Variants in KATNB1 observed in about 807,000 individuals in gnomAD.
KATNB1 encodes the protein katanin regulatory subunit B1.
In KATNB1, 38 loss-of-function variants were observed where a neutral mutation model predicts 82.3. That is an observed-to-expected ratio of 0.46 (90% CI 0.36 to 0.61). KATNB1 has a LOEUF of 0.61. KATNB1 is among the 20% of genes least tolerant of loss of function. The pLI, the probability that KATNB1 is intolerant of heterozygous loss-of-function variation, is 0.00. For synonymous variants in KATNB1, 361 were observed against 368.7 expected, an observed-to-expected ratio of 0.98 and a Z score of 0.24; for missense variants, 749 against 915.7, an observed-to-expected ratio of 0.82 and a Z score of 2.35.
chr16:57,752,107 T>G (rs2049233555), intron 8 of KATNB1, 52 bp downstream of exon 8: 1 of 1,149,546 alleles, frequency 8.7e-7, no homozygotes, highest in African/African-American at 1.5e-5. Flanking sequence ...CTTCACCGCC[T>G]TGTCCTCTGT....
chr16:57,740,953 G>T (rs942770474), intron 2 of KATNB1, among the ~76,000 whole-genome samples: 5 of 152,248 alleles, frequency 3.3e-5, no homozygotes, highest in African/African-American at 4.8e-5. Context: ...ACGTAGGCGC[G>T]CTCTGAGGGA....
At chr16:57,740,285 C>G (rs1007063884) in intron 2 of KATNB1, among the ~76,000 whole-genome samples, 1 of 152,210 alleles carries the variant, frequency 6.6e-6, no homozygotes, top group African/African-American at 2.4e-5. Context: ...GGCTCTGCCC[C>G]GACCGGCCCA....
chr16:57,741,864 G>A (rs782340713), intron 3 of KATNB1, 47 bp downstream of exon 3: 2 of 1,581,340 alleles, frequency 1.3e-6, no homozygotes, highest in South Asian at 1.1e-5. Flanking sequence ...GCCTGGGGAG[G>A]GGACGGGGAC....
At position 57,741,809 on chromosome 16, in the gene KATNB1, T is replaced by A. The variant is rs1243760930; in HGVS notation, c.163T>A (p.Cys55Ser). Residue 55 changes from cysteine (C) to serine (S), a missense_variant, in exon 3 of 20, where the codon TGC becomes AGC. By Grantham distance (112) the Cys-to-Ser change is moderately radical. Coordinates refer to ENST00000379661, the MANE Select transcript of KATNB1 (RefSeq NM_005886.3). ...CCTGTGGTCCATCAACAAGCCCAACTGCATCATGGTGAGCCCCGACAGCTG... is the reference window on the plus strand; with the variant it reads ...CCTGTGGTCCATCAACAAGCCCAACAGCATCATGGTGAGCCCCGACAGCTG... ...VNLWSINKPN[C>S]IMSLTGHTSP... 6.2e-7 allele frequency: 1 copy of A among 1,613,078 alleles called. No individual in the cohort carries two copies. Among genetic ancestry groups the A allele is most frequent in the African/African-American group, 1.3e-5 (1 of 74,918 alleles).
chr16:57,744,776 CGTGTGTGT>C (rs60853487), intron 4 of KATNB1, among the ~76,000 whole-genome samples: 12 of 149,408 alleles, frequency 8.0e-5, no homozygotes, highest in African/African-American at 2.2e-4. Flanking sequence ...TCTGCGGGCA[CGTGTGTGT>C]GTGTGTGTGT....
intron 4 of KATNB1, 134 bp from the exon 5 acceptor site, chr16:57,750,692 TA>T: frequency 1.4e-6 from 1 of 696,492 alleles, no homozygotes; most frequent in East Asian, 2.6e-5. Context: ...CCTACTGTTT[TA>T]AAAATGTGTG....
Position 57,752,800 on chromosome 16 carries a change from G to A in KATNB1, c.727G>A (p.Gly243Ser). The A allele has an allele frequency of 1.9e-6, 3 of 1,610,894 alleles. No individual in the cohort carries two copies. Among genetic ancestry groups the A allele is most frequent in the Non-Finnish European group, 2.5e-6 (3 of 1,179,596 alleles). The change falls in exon 10 of 20, where the codon GGC becomes AGC. Residue 243 changes from glycine (G) to serine (S), a missense_variant. Around this residue, in one of 3 missense-constraint regions of KATNB1, gnomAD observed 247 missense variants for 349.4 expected, o/e 0.71. Coordinates refer to ENST00000379661, the MANE Select transcript of KATNB1 (RefSeq NM_005886.3). The stretch of plus-strand genomic sequence containing the variant: ...CAGGAGCGTCCTCTTCAACCCAGAC[G>A]GCTGCTGCCTGTACAGCGGCTGCCA... The part of the protein sequence containing the change: ...PVRSVLFNPD[G>S]CCLYSGCQDS...
At position 57,753,536 on chromosome 16, in the gene KATNB1, G is replaced by A. The variant is rs76370907; in HGVS notation, c.1177+17G>A. 105,368 of 1,611,186 alleles carry A rather than the reference G, an allele frequency of 0.065. 3,626 individuals are homozygous for A. Among genetic ancestry groups the A allele is most frequent in the South Asian group, 0.086 (7,788 of 90,956 alleles). On this transcript the variant is annotated intron_variant, in intron 12 of 19. Coordinates refer to ENST00000379661, the MANE Select transcript of KATNB1 (RefSeq NM_005886.3). ...ACAGCATCAGTGAGGCCGGGCTCCC[G>A]CCCCCAGCCCAGCGTCCCCATCGGT... is the stretch of plus-strand genomic sequence containing the variant.
chr16:57,738,380 C>T (rs565071966), intron 2 of KATNB1, among the ~76,000 whole-genome samples: 3 of 152,162 alleles, frequency 2.0e-5, no homozygotes, highest in Admixed American at 1.3e-4. Context: ...CTCAGCCTCC[C>T]GAGTAGCTGG....
Position 57,754,985 on chromosome 16 carries a change from C to T in KATNB1, c.1284C>T (p.Phe428=). ...CCAGCCCTGCCATGGATGTGCAGTTCCCGGTGCCAAATGTATGTCCATGGA... is the reference window on the plus strand; with the variant it reads ...CCAGCCCTGCCATGGATGTGCAGTTTCCGGTGCCAAATGTATGTCCATGGA... ...AKPSPAMDVQ[F]PVPNLEVLPR... is the part of the protein sequence containing the mutation. The change falls in exon 14 of 20, where the codon TTC becomes TTT. Residue 428 remains phenylalanine, a synonymous_variant. Coordinates refer to ENST00000379661, the MANE Select transcript of KATNB1 (RefSeq NM_005886.3). 1 of 1,614,074 alleles carries T rather than the reference C, an allele frequency of 6.2e-7. No individual in the cohort carries two copies. Among genetic ancestry groups the T allele is most frequent in the Non-Finnish European group, 8.5e-7 (1 of 1,180,046 alleles).
chr16:57,747,824 T>C (rs1490275053), intron 4 of KATNB1, among the ~76,000 whole-genome samples: 1 of 152,212 alleles, frequency 6.6e-6, no homozygotes, highest in Non-Finnish European at 1.5e-5. Flanking sequence ...CTGTCCAGGC[T>C]TTCTCATCCA....
Position 57,754,682 on chromosome 16 carries a change from T to C in KATNB1, c.1229-248T>C, listed in dbSNP as rs146958459. Among the ~76,000 whole-genome samples the C allele has an allele frequency of 6.6e-3, 1,002 of 152,240 alleles. 12 individuals carry two copies. Among genetic ancestry groups the C allele is most frequent in the African/African-American group, 0.023 (946 of 41,544 alleles). ...CATACATGCCAGTGAAGGGACAGGATGGCCACATCCTAGAGCCCCCTGGGT... is the reference window on the plus strand; with the variant it reads ...CATACATGCCAGTGAAGGGACAGGACGGCCACATCCTAGAGCCCCCTGGGT... On this transcript the variant is annotated intron_variant, in intron 13 of 19. Coordinates refer to ENST00000379661, the MANE Select transcript of KATNB1 (RefSeq NM_005886.3).
intron 11 of KATNB1, 34 bp downstream of exon 11, chr16:57,753,301 G>T: frequency 6.3e-7 from 1 of 1,581,620 alleles, no homozygotes; most frequent in East Asian, 2.3e-5. Context: ...GGGCCCAGGA[G>T]AGGGACTGTC....
intron 3 of KATNB1, 56 bp downstream of exon 3, chr16:57,741,873 A>G (rs754757421): frequency 5.1e-6 from 8 of 1,562,584 alleles, no homozygotes; most frequent in Non-Finnish European, 6.9e-6. Context: ...GGGGACGGGG[A>G]CAGGGGTTGG....
At position 57,741,763 on chromosome 16, in the gene KATNB1, C is replaced by A; in HGVS notation, c.117C>A (p.Gly39=). 1 of 1,613,902 alleles carries A rather than the reference C, an allele frequency of 6.2e-7. No homozygotes were observed. The highest frequency in any genetic ancestry group is 8.5e-7 in the Non-Finnish European group (1 of 1,179,996). Reference sequence around the variant, plus strand: ...CCTCCGGGCGGCTGCTGGCTACAGGCGGGGATGACTGCCGCGTCAACCTGT... The same window carrying A: ...CCTCCGGGCGGCTGCTGGCTACAGGAGGGGATGACTGCCGCGTCAACCTGT... ...GKASGRLLAT[G]GDDCRVNLWS... The change falls in exon 3 of 20, where the codon GGC becomes GGA. Residue 39 remains glycine (G), a synonymous_variant. Transcript: ENST00000379661.
Position 57,744,540 on chromosome 16 carries a change from C to T in KATNB1, c.289+29C>T, listed in dbSNP as rs150479961. ...GGCCTCCGAGCTTGCCTCCTGTGCACGCACACCTGCCTTAGTCTTCAGGCT... is the reference window on the plus strand; with the variant it reads ...GGCCTCCGAGCTTGCCTCCTGTGCATGCACACCTGCCTTAGTCTTCAGGCT... On this transcript the variant is annotated intron_variant, in intron 4 of 19. Transcript: ENST00000379661. The T allele has an allele frequency of 3.8e-4, 581 of 1,526,532 alleles. 2 individuals carry two copies. In the African/African-American group the frequency reaches 7.1e-3, roughly 19 times the overall value. 94.6% of individuals were successfully genotyped at this position (1,526,532 alleles called of 1,614,324 possible). A position where few individuals can be genotyped will look rare whatever the true frequency, so the allele number is the denominator to read the frequency against.
At chr16:57,739,796 T>A (rs559506741) in intron 2 of KATNB1, among the ~76,000 whole-genome samples, 1 of 152,132 alleles carries the variant, frequency 6.6e-6, no homozygotes, top group Non-Finnish European at 1.5e-5. Flanking sequence ...CCCACCACCA[T>A]CTGATTATAC....
intron 19 of KATNB1, 116 bp from the exon 20 acceptor site, chr16:57,756,698 G>C: frequency 7.0e-7 from 1 of 1,426,420 alleles, no homozygotes; most frequent in Non-Finnish European, 9.2e-7. Flanking sequence ...TTCCCCTCTG[G>C]GCCTCCGCCT....
chr16:57,741,366 T>C (rs782416342), intron 2 of KATNB1, among the ~76,000 whole-genome samples: 1 of 152,232 alleles, frequency 6.6e-6, no homozygotes, highest in Non-Finnish European at 1.5e-5. Flanking sequence ...CTAATAAAAA[T>C]AGCAAGTCAA....
Sources: allele counts gnomAD v4.1 joint callset (sites outside exome capture counted in the v4.1 genomes callset), GRCh38; gene constraint gnomAD v4.1.1; regional missense constraint gnomAD v4.1.1; transcripts MANE v1.5; gene names NCBI Gene and HGNC (gene_info 2026-07-23, HGNC 2026-07-21).